WDPCP: variants seen among roughly 807,000 people sequenced by gnomAD.
WDPCP encodes WD repeat containing planar cell polarity effector.
Under a neutral mutation model 93.1 loss-of-function variants are expected in WDPCP, and 71 were observed. The observed-to-expected ratio is 0.76, with a 90% CI of 0.63 to 0.93. The LOEUF is 0.93. Among genes scored for constraint, WDPCP ranks in the 40% least tolerant of loss-of-function variants. WDPCP has a pLI of 0.00. For missense variants in WDPCP, 844 were observed against 887.4 expected (o/e 0.95, Z 0.62); for synonymous variants, 315 against 315.0 (o/e 1.00, Z 0.00).
At chr2:63,799,204 A>T (rs1165023191) in intron 2 of WDPCP, among the ~76,000 whole-genome samples, 1 of 152,210 alleles carries the variant, frequency 6.6e-6, no homozygotes, top group African/African-American at 2.4e-5. Flanking sequence ...TGAACAGTAA[A>T]GTCCAAGAAA....
chr2:63,227,331 T>TGTCA (rs1190512312), intron 14 of WDPCP, among the ~76,000 whole-genome samples: 3 of 152,120 alleles, frequency 2.0e-5, no homozygotes, highest in African/African-American at 7.2e-5. Flanking sequence ...TATTAAAACC[T>TGTCA]GTCAGTATGA....
chr2:63,329,460 A>G (rs1357853026), intron 12 of WDPCP, among the ~76,000 whole-genome samples: 2 of 152,198 alleles, frequency 1.3e-5, no homozygotes, highest in Admixed American at 6.5e-5. Context: ...TGAAAGATAC[A>G]GATGATATTA....
At chr2:63,243,861 A>T (rs1415690410) in intron 14 of WDPCP, among the ~76,000 whole-genome samples, 1 of 152,192 alleles carries the variant, frequency 6.6e-6, no homozygotes, top group Non-Finnish European at 1.5e-5. Context: ...CACTTGGCCA[A>T]TTAGACCTAA....
At chr2:63,267,686 C>G (rs1028289523) in intron 13 of WDPCP, among the ~76,000 whole-genome samples, 13 of 152,072 alleles carry the variant, frequency 8.5e-5, no homozygotes, top group African/African-American at 2.9e-4. Context: ...AGACATTTCT[C>G]AAAAGAGAGG....
chr2:63,170,410 T>C (rs1673301235), intron 15 of WDPCP, among the ~76,000 whole-genome samples: 1 of 151,912 alleles, frequency 6.6e-6, no homozygotes. Flanking sequence ...GGAGCTGGGA[T>C]TACAGACATG....
At chr2:63,767,866 A>G (rs1002752951) in intron 2 of WDPCP, among the ~76,000 whole-genome samples, 1 of 152,088 alleles carries the variant, frequency 6.6e-6, no homozygotes, top group African/African-American at 2.4e-5. Context: ...AAATTTTTAA[A>G]TGGATCATCT....
chr2:63,572,257 A>G (rs1707565638), intron 1 of WDPCP, among the ~76,000 whole-genome samples: 1 of 152,166 alleles, frequency 6.6e-6, no homozygotes, highest in South Asian at 2.1e-4. Flanking sequence ...TTGTTTCCTT[A>G]AGAGTAAGCT....
intron 2 of WDPCP, among the ~76,000 whole-genome samples, chr2:63,803,237 C>T (rs1313546077): frequency 2.0e-5 from 3 of 152,132 alleles, no homozygotes; most frequent in Non-Finnish European, 4.4e-5. Context: ...ACCCTAAAGA[C>T]AGACAATGCT....
chr2:63,645,299 T>G (rs1297069070), intron 3 of WDPCP, among the ~76,000 whole-genome samples: 1 of 152,168 alleles, frequency 6.6e-6, no homozygotes, highest in African/African-American at 2.4e-5. Context: ...TTTCCATATA[T>G]TTGCATAGTT....
chr2:63,609,496 C>A (rs1575729055), intron 3 of WDPCP, among the ~76,000 whole-genome samples: 3 of 152,136 alleles, frequency 2.0e-5, no homozygotes, highest in Admixed American at 6.5e-5. Flanking sequence ...ACCTTCTATC[C>A]ACTTTATATA....
intron 14 of WDPCP, chr2:63,228,461 T>G (rs1255356641): frequency 2.0e-5 from 3 of 151,524 alleles, no homozygotes; most frequent in African/African-American, 7.3e-5. Flanking sequence ...CTTTAAGTTT[T>G]AGGGTACATG....
In WDPCP at chr2:63,416,815, C is replaced by T. The variant is rs542435907; in HGVS notation, c.826-12158G>A. Among the ~76,000 whole-genome samples the T allele has an allele frequency of 1.7e-4, 26 of 152,308 alleles. No homozygotes were observed. In the South Asian group the frequency reaches 5.2e-3, roughly 30 times the overall value. On this transcript the variant is annotated intron_variant, in intron 9 of 17. Coordinates refer to ENST00000272321, the MANE Select transcript of WDPCP (RefSeq NM_015910.7). ...GGGATTACAGGTGTAGGCCACCACA[C>T]CTGGCCCAAAATACTTTTATGTTTA...
At chr2:63,578,078 T>C (rs1350829788) in intron 1 of WDPCP, among the ~76,000 whole-genome samples, 1 of 152,132 alleles carries the variant, frequency 6.6e-6, no homozygotes, top group Non-Finnish European at 1.5e-5. Context: ...GATGCGGTAA[T>C]AACAGAAAAG....
At chr2:63,580,278 G>A (rs1446904500) in intron 1 of WDPCP, among the ~76,000 whole-genome samples, 2 of 152,092 alleles carry the variant, frequency 1.3e-5, no homozygotes, top group Non-Finnish European at 2.9e-5. Context: ...AATTGATTCA[G>A]GCAAAAATAA....
intron 12 of WDPCP, among the ~76,000 whole-genome samples, chr2:63,331,488 A>C (rs981538253): frequency 6.6e-6 from 1 of 152,198 alleles, no homozygotes; most frequent in Admixed American, 6.5e-5. Context: ...CATCTATTTC[A>C]GGAAAGATAT....
At chr2:63,313,154 G>T in intron 13 of WDPCP, 94 bp downstream of exon 13, 2 of 1,193,338 alleles carry the variant, frequency 1.7e-6, no homozygotes, top group Non-Finnish European at 2.5e-6. Context: ...TGTGTCTAAG[G>T]CTGCAAAATG....
At chr2:63,178,283 G>A (rs1341006184) in intron 14 of WDPCP, among the ~76,000 whole-genome samples, 2 of 152,194 alleles carry the variant, frequency 1.3e-5, no homozygotes, top group East Asian at 3.9e-4. Flanking sequence ...TGAGGAGAAT[G>A]GGTGCTAATT....
At chr2:63,447,302 C>A (rs1253779237) in intron 6 of WDPCP, among the ~76,000 whole-genome samples, 1 of 151,976 alleles carries the variant, frequency 6.6e-6, no homozygotes, top group Non-Finnish European at 1.5e-5. Context: ...ACCCAGAGAG[C>A]ACAAACTTCA....
At chr2:63,426,421 C>T (rs565299500) in intron 9 of WDPCP, among the ~76,000 whole-genome samples, 1 of 152,128 alleles carries the variant, frequency 6.6e-6, no homozygotes, top group South Asian at 2.1e-4. Context: ...AAAGAAATTC[C>T]AACCAAGAAT....
Sources: gnomAD v4.1 joint callset for allele counts (sites outside exome capture counted in the v4.1 genomes callset) on GRCh38, gnomAD v4.1.1 for gene constraint, MANE v1.5 for transcripts, NCBI Gene and HGNC (gene_info 2026-07-23, HGNC 2026-07-21) for gene names.